CHD7: variants seen among roughly 807,000 people sequenced by gnomAD.
CHD7 encodes the protein chromodomain helicase DNA binding protein 7.
A neutral mutation model predicts 307.3 loss-of-function variants in CHD7; 24 were observed. The observed-to-expected ratio is 0.08, with a 90% CI of 0.06 to 0.11. The LOEUF (loss-of-function observed/expected upper bound fraction) is 0.11. Ranked by LOEUF, CHD7 falls within the 10% of genes least tolerant of loss-of-function variation. CHD7 has a pLI of 1.00. For missense variants in CHD7, 3,106 were observed against 3,727.1 expected (o/e 0.83, Z 4.34); for synonymous variants, 1,363 against 1,349.9 (o/e 1.01, Z -0.21).
At chr8:60,691,915 G>A (rs1413244212) in intron 1 of CHD7, among the ~76,000 whole-genome samples, 1 of 152,150 alleles carries the variant, frequency 6.6e-6, no homozygotes, top group Non-Finnish European at 1.5e-5. Flanking sequence ...GAATTAGACA[G>A]TCGCTTAGGG....
chr8:60,772,674 T>G (rs1301294795), intron 2 of CHD7, among the ~76,000 whole-genome samples: 1 of 152,188 alleles, frequency 6.6e-6, no homozygotes, highest in Non-Finnish European at 1.5e-5. Flanking sequence ...TTCTATAGAT[T>G]CTCATTCCTG....
chr8:60,718,137 C>A (rs1807706521), intron 1 of CHD7, among the ~76,000 whole-genome samples: 1 of 152,112 alleles, frequency 6.6e-6, no homozygotes, highest in Non-Finnish European at 1.5e-5. Flanking sequence ...ATGATCCCAA[C>A]CTGTGTAGGT....
intron 2 of CHD7, among the ~76,000 whole-genome samples, chr8:60,776,985 T>TTA (rs1373606009): frequency 6.6e-6 from 1 of 152,206 alleles, no homozygotes; most frequent in Non-Finnish European, 1.5e-5. Flanking sequence ...AAGCAATAGT[T>TTA]TAGTGTTCTA....
intron 1 of CHD7, among the ~76,000 whole-genome samples, chr8:60,681,952 G>GGC (rs1191016660): frequency 6.6e-6 from 1 of 151,902 alleles, no homozygotes; most frequent in African/African-American, 2.4e-5. Flanking sequence ...TTTAATCAAT[G>GGC]GCCTTATTTT....
chr8:60,687,303 T>TA (rs5891774), intron 1 of CHD7, among the ~76,000 whole-genome samples: 12 of 151,876 alleles, frequency 7.9e-5, no homozygotes, highest in African/African-American at 1.2e-4. Context: ...AGGAATATGA[T>TA]AAAAAAAAAA....
At chr8:60,725,784 C>G (rs1204807855) in intron 1 of CHD7, among the ~76,000 whole-genome samples, 1 of 152,158 alleles carries the variant, frequency 6.6e-6, no homozygotes, top group Non-Finnish European at 1.5e-5. Context: ...TTTCACTCTT[C>G]TGAGAAATTT....
At chr8:60,852,268 C>T (rs1805487227) in intron 29 of CHD7, 21 bp downstream of exon 29, 1 of 1,599,596 alleles carries the variant, frequency 6.3e-7, no homozygotes, top group Admixed American at 1.7e-5. Flanking sequence ...TCAAGGTTTC[C>T]ACTCAGCTCC....
intron 19 of CHD7, among the ~76,000 whole-genome samples, chr8:60,839,314 A>G (rs1252112743): frequency 2.0e-5 from 3 of 152,214 alleles, no homozygotes; most frequent in Non-Finnish European, 2.9e-5. Flanking sequence ...TTGTATGGGT[A>G]TACCACCTTT....
chr8:60,822,576 T>C lies in CHD7; in HGVS notation c.3031T>C (p.Tyr1011His), dbSNP rs560026909. The change falls in exon 12 of 38, where the codon TAT becomes CAT. Residue 1011 changes from tyrosine to histidine, a missense_variant. Tyr to His is a moderately conservative substitution (Grantham distance 83). This residue lies in a region of CHD7 where 188 missense variants were observed against 261.7 expected (regional missense o/e 0.72). Transcript: ENST00000423902. ...GTCCATTACATTTCTCTATGAGATA[T>C]ATTTGAAAGGAATCCATGGCCCTTT... ...IQSITFLYEI[Y>H]LKGIHGPFLV... 5 of 1,613,784 alleles carry C rather than the reference T, an allele frequency of 3.1e-6. No homozygotes were observed. The highest frequency in any genetic ancestry group is 4.2e-6 in the Non-Finnish European group (5 of 1,179,666).
chr8:60,683,988 T>A (rs186272120), intron 1 of CHD7, among the ~76,000 whole-genome samples: 27 of 152,302 alleles, frequency 1.8e-4, no homozygotes, highest in African/African-American at 5.8e-4. Flanking sequence ...CTGTTTTCAC[T>A]TTAGATGCAT....
At chr8:60,808,478 C>G (rs1440959385) in intron 7 of CHD7, among the ~76,000 whole-genome samples, 1 of 152,180 alleles carries the variant, frequency 6.6e-6, no homozygotes, top group Non-Finnish European at 1.5e-5. Context: ...TAAAAGTTGA[C>G]TAACTTCTGT....
At chr8:60,736,316 C>G (rs1349170987) in intron 1 of CHD7, among the ~76,000 whole-genome samples, 1 of 152,122 alleles carries the variant, frequency 6.6e-6, no homozygotes. Flanking sequence ...GAGGAGATTC[C>G]TGTTAACCGG....
intron 15 of CHD7, among the ~76,000 whole-genome samples, chr8:60,833,979 G>C (rs1414398802): frequency 6.6e-6 from 1 of 152,168 alleles, no homozygotes; most frequent in Non-Finnish European, 1.5e-5. Flanking sequence ...GTACAAACTG[G>C]CTGCCAGTTG....
rs751912715 is a variant in CHD7, at chr8:60,822,766, A to G, written c.3201+20A>G. The stretch of plus-strand genomic sequence containing the variant: ...CCCCAGGTAAACCTTCACAGGTTGT[A>G]TTCTTTGTACTTACTCTGTGCATTT... On this transcript the variant is annotated intron_variant, in intron 12 of 37. Coordinates refer to ENST00000423902, the MANE Select transcript of CHD7 (RefSeq NM_017780.4). 1.3e-6 allele frequency: 2 copies of G among 1,594,234 alleles called. No homozygotes were observed. The highest frequency in any genetic ancestry group is 1.7e-6 in the Non-Finnish European group (2 of 1,167,238).
intron 2 of CHD7, among the ~76,000 whole-genome samples, chr8:60,765,281 ACAC>A (rs1289614295): frequency 6.7e-6 from 1 of 148,314 alleles, no homozygotes; most frequent in Non-Finnish European, 1.5e-5. Context: ...GCATACACAC[ACAC>A]CCCACACACA....
chr8:60,685,441 T>C (rs1020719496), intron 1 of CHD7, among the ~76,000 whole-genome samples: 3 of 152,198 alleles, frequency 2.0e-5, no homozygotes, highest in African/African-American at 7.2e-5. Context: ...ATTTTGTTCT[T>C]CTGTATGTCC....
chr8:60,696,240 A>C (rs1213808862), intron 1 of CHD7, among the ~76,000 whole-genome samples: 4 of 152,230 alleles, frequency 2.6e-5, no homozygotes, highest in African/African-American at 9.6e-5. Context: ...AATACAAATT[A>C]AATTATAAAC....
In CHD7 at chr8:60,848,472, C is replaced by T. The variant is rs759141467; in HGVS notation, c.5211-43C>T. On this transcript the variant is annotated intron_variant, in intron 23 of 37. Transcript: ENST00000423902. ...CCAAAAGCCACTGTTGGCAAACAGTCCTGAAGTTAAGAACTTTTTCCCCCC... is the reference window on the plus strand; with the variant it reads ...CCAAAAGCCACTGTTGGCAAACAGTTCTGAAGTTAAGAACTTTTTCCCCCC... 1.2e-5 allele frequency: 17 copies of T among 1,436,278 alleles called. No individual in the cohort carries two copies. The South Asian group carries it at 1.8e-4, about 15-fold the overall frequency. The allele number at this position is 1,436,278 out of a possible 1,614,324, so 89.0% of individuals were successfully genotyped here.
intron 1 of CHD7, among the ~76,000 whole-genome samples, chr8:60,716,151 C>A (rs1301062163): frequency 1.3e-5 from 2 of 152,240 alleles, no homozygotes; most frequent in Non-Finnish European, 2.9e-5. Flanking sequence ...TTTCTCTCCA[C>A]TTCTACCACC....
Sources: allele counts gnomAD v4.1 joint callset (sites outside exome capture counted in the v4.1 genomes callset), GRCh38; gene constraint gnomAD v4.1.1; regional missense constraint gnomAD v4.1.1; transcripts MANE v1.5; gene names NCBI Gene and HGNC (gene_info 2026-07-23, HGNC 2026-07-21).